The following CCDC3 variants were observed in gnomAD, a reference collection of about 807,000 sequenced individuals.
CCDC3 encodes coiled-coil domain containing 3, also known as coiled-coil domain-containing protein 3.
In CCDC3, 24 loss-of-function variants were observed where a neutral mutation model predicts 21.4. The observed-to-expected ratio is 1.12, with a 90% CI of 0.81 to 1.58. CCDC3 has a LOEUF of 1.58. Among genes scored for constraint, CCDC3 ranks in the 40% most tolerant of loss-of-function variants. The pLI is 0.00. For missense variants in CCDC3, 425 were observed against 360.9 expected (o/e 1.18, Z -1.44); for synonymous variants, 186 against 166.0 (o/e 1.12, Z -0.93).
chr10:12,951,204 T>G (rs1384117417), intron 2 of CCDC3, among the ~76,000 whole-genome samples: 2 of 151,970 alleles, frequency 1.3e-5, no homozygotes, highest in Non-Finnish European at 2.9e-5. Context: ...GACTCTCATC[T>G]CTACAAAAAT....
intron 2 of CCDC3, among the ~76,000 whole-genome samples, chr10:12,934,933 C>T (rs1620293): frequency 0.86 from 131,135 of 152,018 alleles, 56,758 homozygotes; most frequent in East Asian, 1. Flanking sequence ...CCAGTCTTAT[C>T]TTATTATGTT....
intron 2 of CCDC3, among the ~76,000 whole-genome samples, chr10:12,945,375 A>G (rs1834899419): frequency 6.6e-6 from 1 of 152,150 alleles, no homozygotes; most frequent in African/African-American, 2.4e-5. Flanking sequence ...TTTTGTCCTA[A>G]AATAGAATGG....
intron 5 of CCDC3, among the ~76,000 whole-genome samples, chr10:13,028,627 C>T (rs1836256709): frequency 6.6e-6 from 1 of 152,176 alleles, no homozygotes; most frequent in Admixed American, 6.5e-5. Flanking sequence ...TGTCCCATCA[C>T]ATCAGAAAAA....
intron 5 of CCDC3, among the ~76,000 whole-genome samples, chr10:13,024,296 A>G (rs1248121602): frequency 2.6e-5 from 4 of 152,090 alleles, no homozygotes; most frequent in Admixed American, 6.6e-5. Flanking sequence ...TCAAACTGTA[A>G]TCTCCATTAG....
chr10:13,012,597 G>A (rs2131399508), intron 5 of CCDC3, among the ~76,000 whole-genome samples: 1 of 152,002 alleles, frequency 6.6e-6, no homozygotes, highest in East Asian at 1.9e-4. Context: ...GCTGGTGGGA[G>A]GAGGGAGAAG....
intron 5 of CCDC3, among the ~76,000 whole-genome samples, chr10:13,045,649 T>A (rs1313925685): frequency 1.3e-5 from 2 of 152,152 alleles, no homozygotes; most frequent in South Asian, 4.2e-4. Flanking sequence ...TATATATACA[T>A]AACATAAAAA....
intron 2 of CCDC3, among the ~76,000 whole-genome samples, chr10:12,907,351 T>G (rs1317845357): frequency 6.6e-6 from 1 of 152,110 alleles, no homozygotes; most frequent in African/African-American, 2.4e-5. Context: ...TTCCCAGGAA[T>G]AAAGTTAGTT....
chr10:12,981,039 A>G (rs117906666), intron 2 of CCDC3, among the ~76,000 whole-genome samples: 2,078 of 150,474 alleles, frequency 0.014, 17 homozygotes, highest in Non-Finnish European at 0.021. Flanking sequence ...GGAAGATTAG[A>G]CTTTTTTTTT....
intron 3 of CCDC3, among the ~76,000 whole-genome samples, chr10:13,088,498 T>A (rs956888343): frequency 1.3e-5 from 2 of 152,258 alleles, no homozygotes; most frequent in Non-Finnish European, 2.9e-5. Flanking sequence ...GGAGCATGAA[T>A]CATATTGAGA....
intron 2 of CCDC3, among the ~76,000 whole-genome samples, chr10:12,945,487 A>G (rs190074524): frequency 1.4e-4 from 22 of 152,264 alleles, no homozygotes; most frequent in African/African-American, 2.4e-4. Context: ...TGGGAAAGGA[A>G]TTATATGTGT....
chr10:13,092,475 G>T (rs1346376573), intron 3 of CCDC3, among the ~76,000 whole-genome samples: 2 of 152,182 alleles, frequency 1.3e-5, no homozygotes, highest in Non-Finnish European at 2.9e-5. Context: ...AATAGTCCAT[G>T]AATATCCAAT....
At chr10:12,952,180 T>C (rs1200076157) in intron 2 of CCDC3, among the ~76,000 whole-genome samples, 1 of 152,176 alleles carries the variant, frequency 6.6e-6, no homozygotes, top group African/African-American at 2.4e-5. Context: ...ACATATTATC[T>C]AGCAGGCACC....
rs1834025769 is a variant in CCDC3, at chr10:12,897,946, A to G, written c.*470T>C. The G allele has an allele frequency of 6.5e-6, 1 of 154,344 alleles. No individual in the cohort carries two copies. 9.6% of individuals were successfully genotyped at this position (154,344 alleles called of 1,614,324 possible). A position where few individuals can be genotyped will look rare whatever the true frequency, so the allele number is the denominator to read the frequency against. On this transcript the variant is annotated 3_prime_UTR_variant, in exon 3 of 3. Coordinates refer to ENST00000378825, the MANE Select transcript of CCDC3 (RefSeq NM_031455.4). ...GCAAGGCCACCATCCCCTTCCAAAG[A>G]TGTGGCCAGTGAGGTGCCAGCAGGT...
intron 5 of CCDC3, among the ~76,000 whole-genome samples, chr10:13,010,951 G>A (rs1835976915): frequency 6.6e-6 from 1 of 152,188 alleles, no homozygotes; most frequent in Non-Finnish European, 1.5e-5. Context: ...CGAGGCCGAG[G>A]TGGGTGGATC....
intron 3 of CCDC3, among the ~76,000 whole-genome samples, chr10:13,075,694 A>G (rs748291619): frequency 3.3e-5 from 5 of 152,178 alleles, no homozygotes; most frequent in Non-Finnish European, 7.3e-5. Context: ...TGCTCAATAT[A>G]CTTTTCAAAA....
chr10:12,988,003 G>C (rs1447617163), intron 2 of CCDC3, among the ~76,000 whole-genome samples: 2 of 131,948 alleles, frequency 1.5e-5, no homozygotes, highest in African/African-American at 6.2e-5. Flanking sequence ...TCAGCTGCCA[G>C]AGTGTTCCTT....
intron 2 of CCDC3, among the ~76,000 whole-genome samples, chr10:12,968,911 A>C (rs1057501496): frequency 1.3e-5 from 2 of 152,214 alleles, no homozygotes; most frequent in Non-Finnish European, 2.9e-5. Context: ...AAAATCATCT[A>C]ATCATAAAGA....
chr10:12,899,458 T>G (rs958322328), intron 2 of CCDC3, among the ~76,000 whole-genome samples: 8 of 152,224 alleles, frequency 5.3e-5, no homozygotes, highest in African/African-American at 1.9e-4. Context: ...ATTCTGGGAC[T>G]ATCTCAGATA....
intron 2 of CCDC3, among the ~76,000 whole-genome samples, chr10:12,905,038 C>T (rs993972735): frequency 9.9e-5 from 15 of 151,208 alleles, no homozygotes; most frequent in Non-Finnish European, 1.6e-4. Context: ...TAAATAACCA[C>T]GTATAAAGAC....
Sources: allele counts gnomAD v4.1 joint callset (sites outside exome capture counted in the v4.1 genomes callset), GRCh38; gene constraint gnomAD v4.1.1; transcripts MANE v1.5; gene names NCBI Gene and HGNC (gene_info 2026-07-23, HGNC 2026-07-21).